PRDM2: variants seen among roughly 807,000 people sequenced by gnomAD.
PRDM2 encodes the protein PR/SET domain 2.
A neutral mutation model predicts 130.0 loss-of-function variants in PRDM2; 30 were observed. That is an observed-to-expected ratio of 0.23 (90% confidence interval 0.17 to 0.31). The LOEUF is 0.31. Ranked by LOEUF, PRDM2 falls within the 10% of genes least tolerant of loss-of-function variation. PRDM2 has a pLI of 1.00. For synonymous variants in PRDM2, 871 were observed against 782.4 expected (o/e 1.11, Z -1.89); for missense variants, 2,011 against 2,108.4 (o/e 0.95, Z 0.90).
chr1:13,732,830 T>C lies in PRDM2; in HGVS notation c.179T>C (p.Val60Ala), dbSNP rs1181270513. The stretch of plus-strand genomic sequence containing the variant: ...AAAGGCAAAAAATTTGGGCCATTTG[T>C]TGGTGATAAGAAAAAAAGATCTCAG... ...ILKGKKFGPF[V>A]GDKKKRSQVK... The change falls in exon 4 of 10, where the codon GTT becomes GCT. Residue 60 changes from valine to alanine, a missense_variant. Around this residue, in one of 5 missense-constraint regions of PRDM2, gnomAD observed 79 missense variants for 93.6 expected, o/e 0.84. Coordinates refer to ENST00000311066, the MANE Select transcript of PRDM2 (RefSeq NM_001393986.1). 2.5e-6 allele frequency: 4 copies of C among 1,609,028 alleles called. No individual in the cohort carries two copies. In the African/African-American group the frequency reaches 5.4e-5, roughly 22 times the overall value.
At chr1:13,740,445 T>G (rs1643404304) in intron 4 of PRDM2, among the ~76,000 whole-genome samples, 1 of 152,204 alleles carries the variant, frequency 6.6e-6, no homozygotes, top group Admixed American at 6.5e-5. Context: ...TAAGTTACTG[T>G]GTACAGATAC....
intron 2 of PRDM2, among the ~76,000 whole-genome samples, chr1:13,716,220 T>C (rs1642531444): frequency 6.7e-6 from 1 of 150,170 alleles, no homozygotes; most frequent in Admixed American, 6.7e-5. Flanking sequence ...AAACACCGCA[T>C]ATTCTTATTC....
At chr1:13,801,298 G>GT (rs755882368) in intron 8 of PRDM2, among the ~76,000 whole-genome samples, 1 of 152,226 alleles carries the variant, frequency 6.6e-6, no homozygotes, top group Non-Finnish European at 1.5e-5. Context: ...CGTTCACAGC[G>GT]TATGTTTGCT....
chr1:13,735,456 TG>T (rs770393799), intron 4 of PRDM2, among the ~76,000 whole-genome samples: 126 of 152,384 alleles, frequency 8.3e-4, no homozygotes, highest in African/African-American at 2.9e-3. Flanking sequence ...TGTACTTTTA[TG>T]GGATTCAAAT....
Position 13,773,150 on chromosome 1 carries a change from CA to C in PRDM2, c.585del (p.Asp196IlefsTer7). The C allele has an allele frequency of 6.4e-7, 1 of 1,571,844 alleles. No homozygotes were observed. Among genetic ancestry groups the C allele is most frequent in the Non-Finnish European group, 8.6e-7 (1 of 1,163,556 alleles). ...IQDIQLKTSEPDFTSANMRDS... is the reference protein window; with the variant it reads ...IQDIQLKTSEXDFTSANMRDS... ...GACATACAACTGAAGACAAGTGAGC[CA>C]GATTTCACCTCTGCAAATATGAGAG... On this transcript the variant is annotated frameshift_variant, in exon 7 of 10. Transcript: ENST00000311066. LOFTEE classifies it high-confidence loss of function.
chr1:13,770,367 A>G (rs779230341), intron 6 of PRDM2: 1 of 484,812 alleles, frequency 2.1e-6, no homozygotes, highest in Admixed American at 2.1e-5. Context: ...GTGCATCTTA[A>G]TGGTATTAAG....
At chr1:13,731,818 T>G (rs1168226310) in intron 3 of PRDM2, among the ~76,000 whole-genome samples, 1 of 152,240 alleles carries the variant, frequency 6.6e-6, no homozygotes, top group Non-Finnish European at 1.5e-5. Flanking sequence ...TATCCCAATT[T>G]ATATGTACAT....
At chr1:13,740,667 C>T (rs1643410768) in intron 4 of PRDM2, among the ~76,000 whole-genome samples, 1 of 152,158 alleles carries the variant, frequency 6.6e-6, no homozygotes, top group African/African-American at 2.4e-5. Flanking sequence ...AACTTTTGAG[C>T]CTCAATTTTC....
Position 13,780,619 on chromosome 1 carries a change from C to T in PRDM2, c.2824C>T (p.Pro942Ser), listed in dbSNP as rs767394093. Reference protein sequence around the residue: ...GFPAPTVESTPDVCPSSPALQ... With the variant: ...GFPAPTVESTSDVCPSSPALQ... ...CCCTGCCCCTACTGTTGAGTCCACA[C>T]CTGATGTTTGTCCTTCATCACCTGC... The change falls in exon 8 of 10, where the codon CCT becomes TCT. Residue 942 changes from proline (P) to serine (S), a missense_variant. Physicochemically the swap from Pro to Ser is moderately conservative, Grantham distance 74. This residue lies in a region of PRDM2 where 1,288 missense variants were observed against 1,237.7 expected (regional missense o/e 1.04). Coordinates refer to ENST00000311066, the MANE Select transcript of PRDM2 (RefSeq NM_001393986.1). 1.9e-6 allele frequency: 3 copies of T among 1,613,956 alleles called. No homozygotes were observed. The highest frequency in any genetic ancestry group is 2.2e-5 in the East Asian group (1 of 44,866).
chr1:13,701,388 T>C (rs904667248), intron 1 of PRDM2, among the ~76,000 whole-genome samples: 3 of 152,220 alleles, frequency 2.0e-5, no homozygotes, highest in African/African-American at 7.2e-5. Context: ...TCTTCAATGA[T>C]TTCTTTTACA....
Position 13,824,010 on chromosome 1 carries a change from T to C in PRDM2, c.*875T>C, listed in dbSNP as rs2697965. 113,961 of 152,176 alleles carry C rather than the reference T, an allele frequency of 0.75. 42,781 individuals are homozygous for C. Among genetic ancestry groups the C allele is most frequent in the Middle Eastern group, 0.84 (244 of 292 alleles). 9.4% of individuals were successfully genotyped at this position (152,176 alleles called of 1,614,324 possible). A position where few individuals can be genotyped will look rare whatever the true frequency, so the allele number is the denominator to read the frequency against. On this transcript the variant is annotated 3_prime_UTR_variant, in exon 10 of 10. Coordinates refer to ENST00000311066, the MANE Select transcript of PRDM2 (RefSeq NM_001393986.1). ...TAGCTGCAATAGGAAAAAAACAAAT[T>C]GGGAAATGAAAAAAAAATGGGAAGA...
At position 13,781,427 on chromosome 1, in the gene PRDM2, G is replaced by A. The variant is rs761459863; in HGVS notation, c.3632G>A (p.Arg1211Gln). 26 of 1,613,882 alleles carry A rather than the reference G, an allele frequency of 1.6e-5. No homozygotes were observed. The highest frequency in any genetic ancestry group is 2.2e-5 in the Non-Finnish European group (26 of 1,180,028). ...TTGTGCAATTTGCAGCAGCACCAGC[G>A]AGATCTCCACCCAGATAAGGTGTGC... The part of the protein sequence containing the change: ...AFLCNLQQHQ[R>Q]DLHPDKVCTH... Residue 1211 changes from arginine (R) to glutamine (Q), a missense_variant, in exon 8 of 10, where the codon CGA (arginine) becomes CAA (glutamine). Physicochemically the swap from Arg to Gln is conservative, Grantham distance 43. This residue lies in a region of PRDM2 where 229 missense variants were observed against 364.1 expected (regional missense o/e 0.63). Coordinates refer to ENST00000311066, the MANE Select transcript of PRDM2 (RefSeq NM_001393986.1). This position sits in a 1 kb window ranked among gnomAD's most constrained non-coding sequence, Gnocchi z 6.1.
At chr1:13,706,480 T>C (rs1557589638) in intron 1 of PRDM2, among the ~76,000 whole-genome samples, 1 of 152,212 alleles carries the variant, frequency 6.6e-6, no homozygotes, top group Non-Finnish European at 1.5e-5. Flanking sequence ...TCTTCCATCT[T>C]TCTCCACAGA....
At position 13,820,669 on chromosome 1, in the gene PRDM2, G is replaced by T. The variant is rs768735272; in HGVS notation, c.*24-2490G>T. On this transcript the variant is annotated intron_variant, in intron 9 of 9. Transcript: ENST00000311066. ...CGCTCCCTCCTGGGGTCCTGGGAGTGGGGGGTGTAGAGGTCGCCCATCCCG... is the reference window on the plus strand; with the variant it reads ...CGCTCCCTCCTGGGGTCCTGGGAGTTGGGGGTGTAGAGGTCGCCCATCCCG... Among the ~76,000 whole-genome samples, 13 of 152,260 alleles carry T rather than the reference G, an allele frequency of 8.5e-5. No individual in the cohort carries two copies. The East Asian group carries it at 2.5e-3, about 29-fold the overall frequency.
At position 13,803,621 on chromosome 1, in the gene PRDM2, G is replaced by T. The variant is rs1049814191; in HGVS notation, c.5037-12806G>T. 6.6e-6 allele frequency among the ~76,000 whole-genome samples: 1 copy of T among 152,152 alleles called. No individual in the cohort carries two copies. Among genetic ancestry groups the T allele is most frequent in the African/African-American group, 2.4e-5 (1 of 41,432 alleles). ...CTCCTCGGTTTCCTCGTCTGTAAGG[G>T]AAGGGCTGATCCCTGTGGCCTCTGG... On this transcript the variant is annotated intron_variant, in intron 8 of 9. Coordinates refer to ENST00000311066, the MANE Select transcript of PRDM2 (RefSeq NM_001393986.1). The surrounding 1 kb of genome is among the most constrained non-coding windows in gnomAD (Gnocchi z 6.2).
chr1:13,802,650 A>G (rs1377231252), intron 8 of PRDM2, among the ~76,000 whole-genome samples: 1 of 152,210 alleles, frequency 6.6e-6, no homozygotes, highest in Non-Finnish European at 1.5e-5. Flanking sequence ...CAGTGGCAAT[A>G]ATGAAGCTTT....
chr1:13,718,898 C>T (rs1043865592), intron 2 of PRDM2, among the ~76,000 whole-genome samples: 2 of 152,104 alleles, frequency 1.3e-5, no homozygotes, highest in African/African-American at 2.4e-5. Flanking sequence ...ATGGCTTTAT[C>T]TCAGGAATGG....
chr1:13,735,016 A>T (rs569327951), intron 4 of PRDM2, among the ~76,000 whole-genome samples: 1 of 152,292 alleles, frequency 6.6e-6, no homozygotes, highest in East Asian at 1.9e-4. Flanking sequence ...TATTAATGTA[A>T]CAGAAATGGC....
At chr1:13,811,043 G>C (rs1042627610) in intron 8 of PRDM2, among the ~76,000 whole-genome samples, 2 of 152,162 alleles carry the variant, frequency 1.3e-5, no homozygotes, top group Admixed American at 6.5e-5. Flanking sequence ...AATTAGCCGG[G>C]CATGGTGGCA....
Sources: gnomAD v4.1 joint callset for allele counts (sites outside exome capture counted in the v4.1 genomes callset) on GRCh38, gnomAD v4.1.1 for gene constraint, gnomAD v4.1.1 regional missense constraint, Gnocchi (gnomAD v3.1) non-coding constraint, MANE v1.5 for transcripts, NCBI Gene and HGNC (gene_info 2026-07-23, HGNC 2026-07-21) for gene names.